The following ASAP2 variants were observed in gnomAD, a reference collection of about 807,000 sequenced individuals.
The protein encoded by ASAP2 is arf-GAP with SH3 domain, ANK repeat and PH domain-containing protein 2.
A neutral mutation model predicts 131.4 loss-of-function variants in ASAP2; 45 were observed. The observed-to-expected ratio is 0.34, with a 90% CI of 0.27 to 0.44. The LOEUF (loss-of-function observed/expected upper bound fraction) is 0.44. Among genes scored for constraint, ASAP2 ranks in the 20% least tolerant of loss-of-function variants. The probability of loss-of-function intolerance (pLI) is 1.00; values close to 1 mark genes in which losing one functional copy is unlikely to be tolerated. For synonymous variants in ASAP2, 510 were observed against 503.0 expected (o/e 1.01, Z -0.19); for missense variants, 1,011 against 1,297.0 (o/e 0.78, Z 3.39).
At chr2:9,295,369 T>A (rs897774332) in intron 2 of ASAP2, among the ~76,000 whole-genome samples, 2 of 152,176 alleles carry the variant, frequency 1.3e-5, no homozygotes, top group Non-Finnish European at 2.9e-5. Context: ...TTAGAAAAAA[T>A]ATATGTGAAG....
chr2:9,218,085 C>T (rs1225651110), intron 1 of ASAP2, among the ~76,000 whole-genome samples: 1 of 152,120 alleles, frequency 6.6e-6, no homozygotes, highest in Non-Finnish European at 1.5e-5. Context: ...ATCCCACAAC[C>T]AGCATTTGAT....
chr2:9,339,668 G>A (rs1671449331), intron 9 of ASAP2, among the ~76,000 whole-genome samples: 1 of 152,134 alleles, frequency 6.6e-6, no homozygotes, highest in African/African-American at 2.4e-5. Flanking sequence ...CTGTCGTTGT[G>A]TGTGACATAT....
chr2:9,321,639 G>A (rs1011304474), intron 5 of ASAP2, among the ~76,000 whole-genome samples: 7 of 152,096 alleles, frequency 4.6e-5, no homozygotes, highest in Non-Finnish European at 7.4e-5. Context: ...CTTGCTGCCC[G>A]TCTCTGTGGC....
chr2:9,396,769 A>G (rs558931575), intron 24 of ASAP2, among the ~76,000 whole-genome samples: 12 of 152,352 alleles, frequency 7.9e-5, no homozygotes, highest in Admixed American at 2.0e-4. Flanking sequence ...TGGGAGGCCA[A>G]GGTGGGTGGA....
intron 1 of ASAP2, among the ~76,000 whole-genome samples, chr2:9,209,395 T>C (rs1661373013): frequency 6.6e-6 from 1 of 152,214 alleles, no homozygotes; most frequent in Non-Finnish European, 1.5e-5. Flanking sequence ...ATGTATGGTT[T>C]AATAACAATT....
At chr2:9,290,736 G>C (rs537127486) in intron 2 of ASAP2, among the ~76,000 whole-genome samples, 1 of 152,180 alleles carries the variant, frequency 6.6e-6, no homozygotes, top group African/African-American at 2.4e-5. Context: ...TCAGGTGAGC[G>C]CTGGGTCTGA....
chr2:9,243,542 G>A (rs1467860610), intron 1 of ASAP2, among the ~76,000 whole-genome samples: 1 of 152,206 alleles, frequency 6.6e-6, no homozygotes, highest in African/African-American at 2.4e-5. Flanking sequence ...TCTGCTTTCT[G>A]TACGTCAGGC....
intron 2 of ASAP2, among the ~76,000 whole-genome samples, chr2:9,280,346 C>T (rs1249994910): frequency 2.0e-5 from 3 of 152,070 alleles, no homozygotes; most frequent in African/African-American, 7.2e-5. Context: ...CACATTCCAC[C>T]TGCTCCCCCC....
Position 9,206,933 on chromosome 2 carries a change from G to T in ASAP2, c.-172G>T, listed in dbSNP as rs980325503. The T allele has an allele frequency of 1.3e-5, 6 of 447,376 alleles. No individual in the cohort carries two copies. Among genetic ancestry groups the T allele is most frequent in the Non-Finnish European group, 1.8e-5 (6 of 341,238 alleles). The allele number at this position is 447,376 out of a possible 1,614,324, so 27.7% of individuals were successfully genotyped here. A position where few individuals can be genotyped will look rare whatever the true frequency, so the allele number is the denominator to read the frequency against. ...GCCGAGCTGCGCGGGGCTGCGCGCC[G>T]CCCCTGCTCCGCCGCCAGGCCCCGC... On this transcript the variant is annotated 5_prime_UTR_variant, in exon 1 of 28. Transcript: ENST00000281419. The surrounding 1 kb of genome is among the most constrained non-coding windows in gnomAD (Gnocchi z 4.0).
intron 1 of ASAP2, among the ~76,000 whole-genome samples, chr2:9,213,543 A>G (rs1272633308): frequency 1.3e-5 from 2 of 152,162 alleles, no homozygotes. Flanking sequence ...ATGAAAGGAA[A>G]GAGGGAGACC....
intron 23 of ASAP2, 28 bp from the exon 24 acceptor site, chr2:9,393,454 T>G (rs1675871252): frequency 2.5e-6 from 4 of 1,576,374 alleles, no homozygotes; most frequent in Non-Finnish European, 3.5e-6. Context: ...CGGCTGACCC[T>G]CTGCACGTCT....
intron 1 of ASAP2, among the ~76,000 whole-genome samples, chr2:9,250,478 C>A (rs1664629414): frequency 6.6e-6 from 1 of 152,142 alleles, no homozygotes; most frequent in African/African-American, 2.4e-5. Flanking sequence ...GGAATTGGGA[C>A]CCCAGATCTT....
intron 1 of ASAP2, among the ~76,000 whole-genome samples, chr2:9,250,131 A>T (rs1664607956): frequency 6.6e-6 from 1 of 152,214 alleles, no homozygotes; most frequent in South Asian, 2.1e-4. Flanking sequence ...TAAAGCTAAA[A>T]TAATACCCAT....
chr2:9,391,086 C>A lies in ASAP2; in HGVS notation c.2408C>A (p.Thr803Asn). The A allele has an allele frequency of 6.2e-7, 1 of 1,614,278 alleles. No homozygotes were observed. Among genetic ancestry groups the A allele is most frequent in the Non-Finnish European group, 8.5e-7 (1 of 1,180,060 alleles). ...GTTCAGACAGCCTCCTCTGCTAACA[C>A]CCTGTGGAAGACAAACTCTGTAAGT... is the stretch of plus-strand genomic sequence containing the variant. ...GKVQTASSANTLWKTNSVSVD... is the reference protein window; with the variant it reads ...GKVQTASSANNLWKTNSVSVD... Residue 803 changes from threonine to asparagine, a missense_variant, in exon 23 of 28, where the codon ACC becomes AAC. Around this residue, in one of 2 missense-constraint regions of ASAP2, gnomAD observed 652 missense variants for 698.9 expected, o/e 0.93. Coordinates refer to ENST00000281419, the MANE Select transcript of ASAP2 (RefSeq NM_003887.3).
intron 1 of ASAP2, among the ~76,000 whole-genome samples, chr2:9,263,593 T>A (rs1337038256): frequency 6.6e-6 from 1 of 152,252 alleles, no homozygotes; most frequent in African/African-American, 2.4e-5. Context: ...GCGAAGCCCA[T>A]GAAAGCCATG....
Position 9,286,441 on chromosome 2 carries a change from A to ATATATAT in ASAP2, c.199+7052_199+7053insTATATAT, listed in dbSNP as rs1175112143. Among the ~76,000 whole-genome samples, 34 of 130,122 alleles carry ATATATAT rather than the reference A, an allele frequency of 2.6e-4. 1 individual carries two copies. Among genetic ancestry groups the ATATATAT allele is most frequent in the African/African-American group, 8.7e-4 (27 of 31,182 alleles). The allele number at this position is 130,122 out of a possible 152,430, so 85.4% of individuals were successfully genotyped here. On this transcript the variant is annotated intron_variant, in intron 2 of 27. Transcript: ENST00000281419. ...AAAGGATTTTTTTTAAAAAAGGAAA[A>ATATATAT]AAAAAAATATATATATATATACTGT... is the stretch of plus-strand genomic sequence containing the variant.
At chr2:9,252,020 T>A (rs1437057553) in intron 1 of ASAP2, among the ~76,000 whole-genome samples, 2 of 152,112 alleles carry the variant, frequency 1.3e-5, no homozygotes, top group East Asian at 3.9e-4. Context: ...ACTTGGGAAG[T>A]ACTGGCCAGT....
Position 9,207,341 on chromosome 2 carries a change from C to T in ASAP2, c.126+111C>T. ...ACTTTCTTTGCTCCGAAGCCGGACGCGGCCGGGCCAACCCTGCCCGAGACA... is the reference window on the plus strand; with the variant it reads ...ACTTTCTTTGCTCCGAAGCCGGACGTGGCCGGGCCAACCCTGCCCGAGACA... On this transcript the variant is annotated intron_variant, in intron 1 of 27. Transcript: ENST00000281419. The surrounding 1 kb of genome is among the most constrained non-coding windows in gnomAD (Gnocchi z 4.1). The T allele has an allele frequency of 2.9e-6, 4 of 1,378,834 alleles. No individual in the cohort carries two copies. Among genetic ancestry groups the T allele is most frequent in the East Asian group, 2.9e-5 (1 of 34,724 alleles). 85.4% of individuals were successfully genotyped at this position (1,378,834 alleles called of 1,614,324 possible).
chr2:9,233,702 A>ATG (rs1472162161), intron 1 of ASAP2, among the ~76,000 whole-genome samples: 1 of 152,366 alleles, frequency 6.6e-6, no homozygotes, highest in South Asian at 2.1e-4. Context: ...TGTTTAACAA[A>ATG]CACTTATATT....
Sources: allele counts gnomAD v4.1 joint callset (sites outside exome capture counted in the v4.1 genomes callset), GRCh38; gene constraint gnomAD v4.1.1; regional missense constraint gnomAD v4.1.1; non-coding constraint Gnocchi (gnomAD v3.1); transcripts MANE v1.5; gene names NCBI Gene and HGNC (gene_info 2026-07-23, HGNC 2026-07-21).